SHTN1: variants seen among roughly 807,000 people sequenced by gnomAD.
SHTN1 encodes the protein shootin 1.
A neutral mutation model predicts 83.1 loss-of-function variants in SHTN1; 42 were observed. The ratio of observed to expected loss-of-function variants is 0.51; its 90% CI spans 0.39 to 0.65. The LOEUF (loss-of-function observed/expected upper bound fraction) is 0.65, where lower values mean the gene tolerates loss of function less well. Ranked by LOEUF, SHTN1 falls within the 30% of genes least tolerant of loss-of-function variation. The probability of loss-of-function intolerance (pLI) is 0.00; values close to 1 mark genes in which losing one functional copy is unlikely to be tolerated. For synonymous variants in SHTN1, 224 were observed against 247.7 expected (o/e 0.90, Z 0.90); for missense variants, 622 against 737.8 (o/e 0.84, Z 1.82).
chr10:116,976,744 T>TC (rs1850823196), intron 2 of SHTN1, among the ~76,000 whole-genome samples: 1 of 147,482 alleles, frequency 6.8e-6, no homozygotes, highest in Non-Finnish European at 1.5e-5. Context: ...ACAGCCCCCC[T>TC]TTTTTGAGGA....
At chr10:116,933,618 C>T (rs1589819629) in intron 9 of SHTN1, among the ~76,000 whole-genome samples, 1 of 152,220 alleles carries the variant, frequency 6.6e-6, no homozygotes, top group East Asian at 1.9e-4. Context: ...AATAGTGCTG[C>T]AATAAACATA....
At chr10:116,889,136 G>A (rs755089019) in intron 16 of SHTN1, among the ~76,000 whole-genome samples, 4 of 152,200 alleles carry the variant, frequency 2.6e-5, no homozygotes, top group African/African-American at 9.7e-5. Context: ...TTCCATGCTC[G>A]TGTGTGTCTG....
chr10:116,922,415 G>A (rs977442714), intron 11 of SHTN1, among the ~76,000 whole-genome samples: 8 of 151,670 alleles, frequency 5.3e-5, no homozygotes, highest in African/African-American at 1.9e-4. Flanking sequence ...TTATCTAGTA[G>A]AGCCAAAAAT....
At chr10:116,965,804 G>A (rs1485576085) in intron 3 of SHTN1, among the ~76,000 whole-genome samples, 1 of 152,038 alleles carries the variant, frequency 6.6e-6, no homozygotes, top group African/African-American at 2.4e-5. Flanking sequence ...CCCTCAAATG[G>A]TATATGAAGC....
chr10:117,005,358 G>A, upstream of SHTN1: 1 of 1,253,798 alleles, frequency 8.0e-7, no homozygotes, highest in Non-Finnish European at 1.0e-6. Context: ...CAGCCGCTAT[G>A]CCAGCCTGTG....
intron 14 of SHTN1, among the ~76,000 whole-genome samples, chr10:116,910,306 C>G (rs1848138750): frequency 1.3e-5 from 2 of 152,178 alleles, no homozygotes; most frequent in Admixed American, 6.5e-5. Context: ...TAGTGATACA[C>G]TAATGCCAGG....
intron 1 of SHTN1, among the ~76,000 whole-genome samples, chr10:117,075,331 T>C (rs929119137): frequency 6.6e-6 from 1 of 152,188 alleles, no homozygotes; most frequent in African/African-American, 2.4e-5. Flanking sequence ...GTGATCTCAG[T>C]GCAACATAAC....
chr10:116,977,088 T>C (rs1446353254), intron 2 of SHTN1, among the ~76,000 whole-genome samples: 1 of 152,234 alleles, frequency 6.6e-6, no homozygotes, highest in African/African-American at 2.4e-5. Context: ...AAAACCTCAC[T>C]GAGAAAGTGT....
chr10:117,098,607 G>A (rs982093157), intron 1 of SHTN1, among the ~76,000 whole-genome samples: 1 of 152,014 alleles, frequency 6.6e-6, no homozygotes, highest in Non-Finnish European at 1.5e-5. Context: ...TCCACCACTT[G>A]TAATAACCAC....
intron 4 of SHTN1, among the ~76,000 whole-genome samples, chr10:116,958,002 G>C (rs965165594): frequency 1.3e-5 from 2 of 152,190 alleles, no homozygotes; most frequent in Admixed American, 1.3e-4. Flanking sequence ...GGAGGTTGCA[G>C]TGAGCCAAGA....
chr10:116,929,853 G>A lies in SHTN1; in HGVS notation c.1008C>T (p.His336=). Residue 336 remains histidine (H), a synonymous_variant, in exon 10 of 17, where the codon CAC becomes CAT. Transcript: ENST00000355371. ...TAGCCTACTCAATGCTTTTACCAGAGTGCTTTAAATTTCTGGCTTTCTCTT... is the reference window on the plus strand; with the variant it reads ...TAGCCTACTCAATGCTTTTACCAGAATGCTTTAAATTTCTGGCTTTCTCTT... ...NSEEKARNLK[H]SVDELQKRVN... 6.3e-7 allele frequency: 1 copy of A among 1,599,622 alleles called. No homozygotes were observed. The highest frequency in any genetic ancestry group is 8.5e-7 in the Non-Finnish European group (1 of 1,174,434).
chr10:117,002,656 G>GC (rs1851864782), intron 1 of SHTN1, among the ~76,000 whole-genome samples: 7 of 152,256 alleles, frequency 4.6e-5, no homozygotes, highest in African/African-American at 1.7e-4. Context: ...TTCCCAATTA[G>GC]TTCTACAGGT....
intron 1 of SHTN1, among the ~76,000 whole-genome samples, chr10:117,112,579 T>C (rs1194672889): frequency 6.6e-6 from 1 of 152,226 alleles, no homozygotes; most frequent in Admixed American, 6.5e-5. Context: ...TTCTGTTTTA[T>C]AGCTGAGGAA....
intron 2 of SHTN1, among the ~76,000 whole-genome samples, chr10:117,023,496 G>A (rs1852290430): frequency 6.6e-6 from 1 of 152,026 alleles, no homozygotes; most frequent in Non-Finnish European, 1.5e-5. Flanking sequence ...AATGTACAAG[G>A]GCATACACCT....
chr10:117,088,547 C>G (rs772802501), intron 1 of SHTN1, among the ~76,000 whole-genome samples: 39 of 152,134 alleles, frequency 2.6e-4, no homozygotes, highest in Non-Finnish European at 4.4e-4. Flanking sequence ...GAAGAAGAAG[C>G]TGAGTCATTC....
Position 116,954,201 on chromosome 10 carries a change from C to G in SHTN1, c.277G>C (p.Glu93Gln). 1 of 1,600,218 alleles carries G rather than the reference C, an allele frequency of 6.2e-7. No homozygotes were observed. Among genetic ancestry groups the G allele is most frequent in the Non-Finnish European group, 8.5e-7 (1 of 1,173,834 alleles). ...CTGATTCTTTTCAACGTTTTATTTT[C>G]TTTATTTAGCTAAGACAAAATATAA... ...AEALATKLNKENKTLKRISML... is the reference protein window; with the variant it reads ...AEALATKLNKQNKTLKRISML... The change falls in exon 5 of 17, where the codon GAA becomes CAA. Residue 93 changes from glutamate to glutamine, a missense_variant. By Grantham distance (29) the Glu-to-Gln change is conservative. Around this residue, in one of 3 missense-constraint regions of SHTN1, gnomAD observed 383 missense variants for 455.8 expected, o/e 0.84. Coordinates refer to ENST00000355371, the MANE Select transcript of SHTN1 (RefSeq NM_001127211.3).
At chr10:116,958,329 T>G (rs755697542) in intron 4 of SHTN1, among the ~76,000 whole-genome samples, 97 of 152,194 alleles carry the variant, frequency 6.4e-4, no homozygotes, top group Non-Finnish European at 1.4e-3. Context: ...GTATTTGATT[T>G]AATCCATTTT....
At chr10:117,055,897 G>T (rs1356154955) in intron 1 of SHTN1, among the ~76,000 whole-genome samples, 1 of 152,124 alleles carries the variant, frequency 6.6e-6, no homozygotes, top group East Asian at 1.9e-4. Flanking sequence ...TGGTTAAAAG[G>T]GTAAATTGTA....
rs1289430326 is a variant in SHTN1, at chr10:116,954,124, G to A, written c.354C>T (p.Asn118=). The A allele has an allele frequency of 1.2e-6, 2 of 1,613,490 alleles. No homozygotes were observed. Among genetic ancestry groups the A allele is most frequent in the Admixed American group, 3.3e-5 (2 of 59,994 alleles). ...CTGTAGTCGAATCTTCATCATCAAT[G>A]TTTATCTCTTCAGTTATTACATCTG... ...LGPDVITEEI[N]IDDEDSTTDT... Residue 118 remains asparagine, a synonymous_variant, in exon 5 of 17, where the codon AAC becomes AAT. Coordinates refer to ENST00000355371, the MANE Select transcript of SHTN1 (RefSeq NM_001127211.3).
Sources: gnomAD v4.1 joint callset for allele counts (sites outside exome capture counted in the v4.1 genomes callset) on GRCh38, gnomAD v4.1.1 for gene constraint, gnomAD v4.1.1 regional missense constraint, MANE v1.5 for transcripts, NCBI Gene and HGNC (gene_info 2026-07-23, HGNC 2026-07-21) for gene names.